CFLAR: variants seen among roughly 807,000 people sequenced by gnomAD.
CFLAR encodes CASP8 and FADD-like apoptosis regulator.
CFLAR carries 14 observed loss-of-function variants against 51.1 expected under a neutral mutation model. The ratio of observed to expected loss-of-function variants is 0.27; its 90% CI spans 0.18 to 0.43. The LOEUF (loss-of-function observed/expected upper bound fraction) is 0.43. Among genes scored for constraint, CFLAR ranks in the 20% least tolerant of loss-of-function variants. The probability of loss-of-function intolerance (pLI) is 1.00; values close to 1 mark genes in which losing one functional copy is unlikely to be tolerated. For missense variants in CFLAR, 390 were observed against 566.5 expected, an observed-to-expected ratio of 0.69 and a Z score of 3.16; for synonymous variants, 210 against 211.6, an observed-to-expected ratio of 0.99 and a Z score of 0.06.
intron 9 of CFLAR, chr2:201,163,504 G>A: frequency 5.3e-6 from 6 of 1,135,338 alleles, no homozygotes; most frequent in Non-Finnish European, 6.5e-6. Flanking sequence ...TAGAGCAGGA[G>A]CCACTCAGCC....
intron 6 of CFLAR, among the ~76,000 whole-genome samples, chr2:201,145,874 G>A (rs544101760): frequency 5.5e-4 from 84 of 152,150 alleles, no homozygotes; most frequent in African/African-American, 2.0e-3. Flanking sequence ...GAAAGAAAAC[G>A]TGCAATTTAA....
At position 201,170,229 on chromosome 2, in the gene CFLAR, G is replaced by C. The variant is rs1559278132; in HGVS notation, c.*6256G>C. On this transcript the variant is annotated 3_prime_UTR_variant, in exon 10 of 10. Coordinates refer to ENST00000309955, the MANE Select transcript of CFLAR (RefSeq NM_003879.7). ...GCCCATCAAAGATAGACTGGATAAA[G>C]AAAATGTGGTACATATACACCATGG... 1 of 152,186 alleles carries C rather than the reference G, an allele frequency of 6.6e-6. No individual in the cohort carries two copies. Among genetic ancestry groups the C allele is most frequent in the African/African-American group, 2.4e-5 (1 of 41,440 alleles). 9.4% of individuals were successfully genotyped at this position (152,186 alleles called of 1,614,324 possible).
intron 4 of CFLAR, chr2:201,136,503 C>G: frequency 6.4e-7 from 1 of 1,573,464 alleles, no homozygotes; most frequent in South Asian, 1.1e-5. Flanking sequence ...GGTCTCATAC[C>G]TTCCTTGCAT....
Position 201,174,093 on chromosome 2 carries a change from G to A in CFLAR, c.*10120G>A, listed in dbSNP as rs1248637207. On this transcript the variant is annotated 3_prime_UTR_variant, in exon 10 of 10. Coordinates refer to ENST00000309955, the MANE Select transcript of CFLAR (RefSeq NM_003879.7). ...CCATGGATTGTCTTCTCACTTTCTG[G>A]ATACTATACAGTACAAGTTTTAAAT... is the stretch of plus-strand genomic sequence containing the variant. The A allele has an allele frequency of 6.6e-6, 1 of 152,096 alleles. No homozygotes were observed. The highest frequency in any genetic ancestry group is 2.4e-5 in the African/African-American group (1 of 41,404). 9.4% of individuals were successfully genotyped at this position (152,096 alleles called of 1,614,324 possible).
intron 9 of CFLAR, 107 bp downstream of exon 9, chr2:201,161,049 A>G: frequency 1.3e-6 from 1 of 777,094 alleles, no homozygotes; most frequent in African/African-American, 1.7e-5. Flanking sequence ...TCCGGGAGGA[A>G]AAGAGATTTT....
rs113164221 is a variant in CFLAR at position 201,129,636 on chromosome 2, G to A, written c.-137-93G>A. Reference sequence around the variant, plus strand: ...TATAGAACTTAATCTACTTAAGTCAGGGAGACCACCCAGAAGGAAAGAGCC... The same window carrying A: ...TATAGAACTTAATCTACTTAAGTCAAGGAGACCACCCAGAAGGAAAGAGCC... On this transcript the variant is annotated intron_variant, in intron 1 of 9. Coordinates refer to ENST00000309955, the MANE Select transcript of CFLAR (RefSeq NM_003879.7). 96 of 523,118 alleles carry A rather than the reference G, an allele frequency of 1.8e-4. 2 individuals carry two copies. Among genetic ancestry groups the A allele is most frequent in the African/African-American group, 1.1e-3 (56 of 53,096 alleles). The allele number at this position is 523,118 out of a possible 1,614,324, so 32.4% of individuals were successfully genotyped here. A position where few individuals can be genotyped will look rare whatever the true frequency, so the allele number is the denominator to read the frequency against.
chr2:201,123,245 T>A (rs2048356987), intron 1 of CFLAR, among the ~76,000 whole-genome samples: 2 of 152,210 alleles, frequency 1.3e-5, no homozygotes, highest in Non-Finnish European at 2.9e-5. Flanking sequence ...TTGGCGATAA[T>A]GTCTGGTTGG....
intron 8 of CFLAR, 74 bp from the exon 9 acceptor site, chr2:201,160,358 G>A: frequency 6.8e-7 from 1 of 1,464,712 alleles, no homozygotes; most frequent in Admixed American, 2.0e-5. Flanking sequence ...ACCATGTCTA[G>A]GATTCCTACC....
rs764848979 is a variant in CFLAR, at chr2:201,160,862, G to A, written c.1224G>A (p.Ala408=). ...ACTTCTTCTGGAGCCTGTGTACTGC[G>A]GACATGTCCCTGCTGGAGCAGTCTC... ...EADFFWSLCT[A]DMSLLEQSHS... The change falls in exon 9 of 10, where the codon GCG becomes GCA. Residue 408 remains alanine, a synonymous_variant. Transcript: ENST00000309955. The A allele has an allele frequency of 1.3e-5, 21 of 1,612,662 alleles. 1 individual carries two copies. The highest frequency in any genetic ancestry group is 8.8e-5 in the South Asian group (8 of 91,002).
intron 6 of CFLAR, chr2:201,146,449 A>G (rs910388865): frequency 1.3e-5 from 2 of 151,966 alleles, no homozygotes; most frequent in Non-Finnish European, 2.9e-5. Flanking sequence ...GCCCAGCCTA[A>G]TTTTTGTATT....
chr2:201,128,997 T>C (rs2048971241), intron 1 of CFLAR, among the ~76,000 whole-genome samples: 1 of 152,170 alleles, frequency 6.6e-6, no homozygotes, highest in Non-Finnish European at 1.5e-5. Context: ...GAAGCACTAA[T>C]GGCAATTGCT....
In CFLAR at chr2:201,138,850, T is replaced by C. The variant is rs867252034; in HGVS notation, c.524-1507T>C. 71 of 730,092 alleles carry C rather than the reference T, an allele frequency of 9.7e-5. 1 individual carries two copies. Among genetic ancestry groups the C allele is most frequent in the South Asian group, 5.4e-4 (40 of 74,234 alleles). The allele number at this position is 730,092 out of a possible 1,614,324, so 45.2% of individuals were successfully genotyped here. A position where few individuals can be genotyped will look rare whatever the true frequency, so the allele number is the denominator to read the frequency against. On this transcript the variant is annotated intron_variant, in intron 4 of 9. Coordinates refer to ENST00000309955, the MANE Select transcript of CFLAR (RefSeq NM_003879.7). This position sits in a 1 kb window ranked among gnomAD's most constrained non-coding sequence, Gnocchi z 4.0. ...AGGTCGGCCTCTGTCACAGTGTCCA[T>C]GGGGGAGGAGATCAGCGGCGTCTTC...
intron 1 of CFLAR, among the ~76,000 whole-genome samples, chr2:201,128,829 A>G (rs1411518811): frequency 6.6e-6 from 1 of 152,212 alleles, no homozygotes; most frequent in Non-Finnish European, 1.5e-5. Flanking sequence ...ATAGGTTAGC[A>G]ACTTAAATTT....
In CFLAR at chr2:201,174,301, A is replaced by G. The variant is rs1479132252; in HGVS notation, c.*10328A>G. 6.6e-6 allele frequency: 1 copy of G among 152,208 alleles called. No homozygotes were observed. The highest frequency in any genetic ancestry group is 1.5e-5 in the Non-Finnish European group (1 of 68,042). 9.4% of individuals were successfully genotyped at this position (152,208 alleles called of 1,614,324 possible). A position where few individuals can be genotyped will look rare whatever the true frequency, so the allele number is the denominator to read the frequency against. The stretch of plus-strand genomic sequence containing the variant: ...TATTTTTGTGTATGCAGTGCGAGAT[A>G]AGCATCCAGCCTCATTCTTTTGCAC... On this transcript the variant is annotated 3_prime_UTR_variant, in exon 10 of 10. Transcript: ENST00000309955.
At position 201,124,936 on chromosome 2, in the gene CFLAR, T is replaced by G. The variant is rs1055975812; in HGVS notation, c.-137-4793T>G. 6.6e-6 allele frequency among the ~76,000 whole-genome samples: 1 copy of G among 152,138 alleles called. No homozygotes were observed. The highest frequency in any genetic ancestry group is 2.4e-5 in the African/African-American group (1 of 41,426). On this transcript the variant is annotated intron_variant, in intron 1 of 9. Coordinates refer to ENST00000309955, the MANE Select transcript of CFLAR (RefSeq NM_003879.7). The surrounding 1 kb of genome is among the most constrained non-coding windows in gnomAD (Gnocchi z 4.7). ...CAGATGAAAGAGGACTTCCAAGTTT[T>G]TGGATGTGGCAACCAGGAGGTCACC...
intron 8 of CFLAR, among the ~76,000 whole-genome samples, chr2:201,152,010 GAA>G (rs1412794668): frequency 6.6e-6 from 1 of 151,078 alleles, no homozygotes; most frequent in African/African-American, 2.4e-5. Flanking sequence ...TCTTGAGAGA[GAA>G]TCTCACTCTT....
chr2:201,136,538 CT>C, intron 4 of CFLAR: 3 of 1,506,890 alleles, frequency 2.0e-6, no homozygotes, highest in Non-Finnish European at 2.6e-6. Context: ...ACAAAACCTC[CT>C]TATGGAAAAG....
rs1039213625 is a variant in CFLAR at position 201,165,121 on chromosome 2, A to C, written c.*1148A>C. 3.3e-5 allele frequency: 5 copies of C among 152,096 alleles called. No individual in the cohort carries two copies. The highest frequency in any genetic ancestry group is 1.2e-4 in the African/African-American group (5 of 41,416). 9.4% of individuals were successfully genotyped at this position (152,096 alleles called of 1,614,324 possible). ...TTGTAACAATAGCCTTATGATTTAG[A>C]GGTTACTTGTTCATTCACCTAGACC... On this transcript the variant is annotated 3_prime_UTR_variant, in exon 10 of 10. Coordinates refer to ENST00000309955, the MANE Select transcript of CFLAR (RefSeq NM_003879.7).
At chr2:201,140,478 C>A (rs759744061) in intron 5 of CFLAR, 39 bp downstream of exon 5, 9 of 1,487,940 alleles carry the variant, frequency 6.0e-6, no homozygotes, top group Non-Finnish European at 7.3e-6. Context: ...CAGCATGAAA[C>A]CGTTTCAGAG....
Sources: gnomAD v4.1 joint callset for allele counts (sites outside exome capture counted in the v4.1 genomes callset) on GRCh38, gnomAD v4.1.1 for gene constraint, Gnocchi (gnomAD v3.1) non-coding constraint, MANE v1.5 for transcripts, NCBI Gene and HGNC (gene_info 2026-07-23, HGNC 2026-07-21) for gene names.